The following TCL1B variants were observed in gnomAD, a reference collection of about 807,000 sequenced individuals.
TCL1B encodes TCL1 family AKT coactivator B, also known as T-cell leukemia/lymphoma protein 1B.
TCL1B carries 14 observed loss-of-function variants against 16.9 expected under a neutral mutation model. That is an observed-to-expected ratio of 0.83 (90% CI 0.55 to 1.30). TCL1B has a LOEUF of 1.30. Among genes scored for constraint, TCL1B ranks in the 50% most tolerant of loss-of-function variants. The pLI, the probability that TCL1B is intolerant of heterozygous loss-of-function variation, is 0.00. For missense variants in TCL1B, 166 were observed against 165.2 expected (o/e 1.00, Z -0.03); for synonymous variants, 79 against 66.6 (o/e 1.19, Z -0.91).
At position 95,692,002 on chromosome 14, in the gene TCL1B, C is replaced by T. The variant is rs150324148; in HGVS notation, c.*87C>T. The T allele has an allele frequency of 6.6e-6, 1 of 152,662 alleles. No homozygotes were observed. Among genetic ancestry groups the T allele is most frequent in the Non-Finnish European group, 1.5e-5 (1 of 68,284 alleles). 9.5% of individuals were successfully genotyped at this position (152,662 alleles called of 1,614,324 possible). On this transcript the variant is annotated 3_prime_UTR_variant, in exon 4 of 4. Coordinates refer to ENST00000340722, the MANE Select transcript of TCL1B (RefSeq NM_004918.4). ...CTCAGTGAGGATCTTCATGTACCTG[C>T]TCTTCTGTTTGCACACCCAGCATAG...
chr14:95,690,697 C>T (rs747580415), intron 1 of TCL1B, 39 bp from the exon 2 acceptor site: 2 of 1,587,252 alleles, frequency 1.3e-6, no homozygotes, highest in African/African-American at 2.7e-5. Context: ...GGCAGGGAAC[C>T]CTATCCATGA....
rs76108236 is a variant in TCL1B at position 95,688,910 on chromosome 14, G to A, written c.163-1826G>A. ...TGTTAGTAACAGGTACGGAGTCTCAGTTTGGGAAGATAAAAAGTTCTGGAG... is the reference window on the plus strand; with the variant it reads ...TGTTAGTAACAGGTACGGAGTCTCAATTTGGGAAGATAAAAAGTTCTGGAG... On this transcript the variant is annotated intron_variant, in intron 1 of 3. Transcript: ENST00000340722. 5.5e-3 allele frequency among the ~76,000 whole-genome samples: 845 copies of A among 152,338 alleles called. 9 individuals carry two copies. The highest frequency in any genetic ancestry group is 0.019 in the African/African-American group (799 of 41,572).
intron 1 of TCL1B, among the ~76,000 whole-genome samples, chr14:95,686,857 C>T (rs985750276): frequency 2.6e-5 from 4 of 152,188 alleles, no homozygotes; most frequent in African/African-American, 9.6e-5. Context: ...TGTGGTCCTG[C>T]GTGGTGAAGC....
chr14:95,686,594 C>A lies in TCL1B; in HGVS notation c.127C>A (p.Arg43Ser). ...VTVVVRFNPSRREWARASQGS... is the reference protein window; with the variant it reads ...VTVVVRFNPSSREWARASQGS... ...TGTGGTCGTGCGGTTCAATCCCTCGCGTAGGGAATGGGCCAGGGCCTCCCA... is the reference window on the plus strand; with the variant it reads ...TGTGGTCGTGCGGTTCAATCCCTCGAGTAGGGAATGGGCCAGGGCCTCCCA... The change falls in exon 1 of 4, where the codon CGT becomes AGT. Residue 43 changes from arginine (R) to serine (S), a missense_variant. Physicochemically the swap from Arg to Ser is moderately radical, Grantham distance 110 (BLOSUM62 -1). Transcript: ENST00000340722. 1 of 1,612,984 alleles carries A rather than the reference C, an allele frequency of 6.2e-7. No individual in the cohort carries two copies. Among genetic ancestry groups the A allele is most frequent in the South Asian group, 1.1e-5 (1 of 90,960 alleles).
Position 95,686,576 on chromosome 14 carries a change from G to A in TCL1B, c.109G>A (p.Val37Met), listed in dbSNP as rs755883681. ...EEGRTWVTVV[V>M]RFNPSRREWA... ...GGGGAGAACCTGGGTGACTGTGGTC[G>A]TGCGGTTCAATCCCTCGCGTAGGGA... Residue 37 changes from valine (V) to methionine (M), a missense_variant, in exon 1 of 4, where the codon GTG becomes ATG. By Grantham distance (21) the Val-to-Met change is conservative. Transcript: ENST00000340722. 7 of 1,613,758 alleles carry A rather than the reference G, an allele frequency of 4.3e-6. No homozygotes were observed. Among genetic ancestry groups the A allele is most frequent in the Non-Finnish European group, 5.1e-6 (6 of 1,179,890 alleles).
At chr14:95,690,713 C>T (rs368546634) in intron 1 of TCL1B, 23 bp from the exon 2 acceptor site, 289 of 1,592,184 alleles carry the variant, frequency 1.8e-4, no homozygotes, top group Non-Finnish European at 2.3e-4. Context: ...CATGATTTGC[C>T]GCCTCTTTTC....
At chr14:95,691,222 G>A (rs781202295) in intron 2 of TCL1B, 46 bp from the exon 3 acceptor site, 4 of 1,601,548 alleles carry the variant, frequency 2.5e-6, no homozygotes, top group Non-Finnish European at 3.4e-6. Context: ...AGGCCAACTG[G>A]AAGAGCATCT....
intron 1 of TCL1B, among the ~76,000 whole-genome samples, chr14:95,687,588 G>A (rs771408707): frequency 1.3e-5 from 2 of 152,118 alleles, no homozygotes; most frequent in African/African-American, 2.4e-5. Flanking sequence ...ATTCATGGGT[G>A]CAGTATCCAT....
chr14:95,690,714 G>A lies in TCL1B; in HGVS notation c.163-22G>A, dbSNP rs200686164. The A allele has an allele frequency of 1.4e-5, 22 of 1,592,582 alleles. No individual in the cohort carries two copies. The East Asian group carries it at 2.9e-4, about 21-fold the overall frequency. On this transcript the variant is annotated intron_variant, in intron 1 of 3. Transcript: ENST00000340722. ...CAGGGAACCCTATCCATGATTTGCC[G>A]CCTCTTTTCTGGTCCCTTCAGTATG... is the stretch of plus-strand genomic sequence containing the variant.
chr14:95,687,472 CTAA>C (rs59470580), intron 1 of TCL1B, among the ~76,000 whole-genome samples: 10,116 of 152,200 alleles, frequency 0.066, 368 homozygotes, highest in South Asian at 0.12. Flanking sequence ...AATCAGATTA[CTAA>C]TAACACCTAA....
chr14:95,690,707 A>T, intron 1 of TCL1B, 29 bp from the exon 2 acceptor site: 1 of 1,591,656 alleles, frequency 6.3e-7, no homozygotes. Flanking sequence ...CCTATCCATG[A>T]TTTGCCGCCT....
intron 2 of TCL1B, 106 bp from the exon 3 acceptor site, chr14:95,691,162 C>T (rs1885876930): frequency 1.5e-6 from 2 of 1,352,730 alleles, no homozygotes; most frequent in Non-Finnish European, 1.0e-6. Flanking sequence ...GAGTTCCCAC[C>T]TGCCTCACCC....
At chr14:95,688,997 A>T (rs935191819) in intron 1 of TCL1B, among the ~76,000 whole-genome samples, 1 of 152,200 alleles carries the variant, frequency 6.6e-6, no homozygotes, top group Non-Finnish European at 1.5e-5. Context: ...GTACTCTTAA[A>T]AACAGTTGGC....
In TCL1B at chr14:95,691,340, T is replaced by C. The variant is rs1325042331; in HGVS notation, c.*15+4T>C. The stretch of plus-strand genomic sequence containing the variant: ...AGACTGACACTGGGAGTGGCTGGTA[T>C]GTTGGGGCCCTGTGCGTCTCAGTGT... On this transcript the variant is annotated splice_donor_region_variant and intron_variant, in intron 3 of 3. Coordinates refer to ENST00000340722, the MANE Select transcript of TCL1B (RefSeq NM_004918.4). 2.5e-6 allele frequency: 4 copies of C among 1,612,852 alleles called. No individual in the cohort carries two copies. Among genetic ancestry groups the C allele is most frequent in the Middle Eastern group, 1.7e-4 (1 of 6,058 alleles).
rs771726123 is a variant in TCL1B at position 95,691,355 on chromosome 14, C to T, written c.*15+19C>T. ...GTGGCTGGTATGTTGGGGCCCTGTG[C>T]GTCTCAGTGTAGGGATCAGACGAAA... On this transcript the variant is annotated intron_variant, in intron 3 of 3. Coordinates refer to ENST00000340722, the MANE Select transcript of TCL1B (RefSeq NM_004918.4). The T allele has an allele frequency of 5.6e-6, 9 of 1,610,408 alleles. No homozygotes were observed. The highest frequency in any genetic ancestry group is 2.7e-5 in the African/African-American group (2 of 74,872).
intron 2 of TCL1B, 82 bp downstream of exon 2, chr14:95,690,988 C>G (rs1246095741): frequency 1.3e-6 from 2 of 1,517,250 alleles, no homozygotes; most frequent in Non-Finnish European, 1.8e-6. Context: ...TGCCCCTGGC[C>G]CCCTTGGGGT....
intron 1 of TCL1B, among the ~76,000 whole-genome samples, chr14:95,689,057 C>A (rs75468591): frequency 1.3e-5 from 2 of 152,116 alleles, no homozygotes; most frequent in Admixed American, 6.6e-5. Context: ...GGGGCCGAGG[C>A]GGGCGGATCA....
rs1178931610 is a variant in TCL1B, at chr14:95,690,903, C to G, written c.330C>G (p.Gly110=). 1 of 1,613,214 alleles carries G rather than the reference C, an allele frequency of 6.2e-7. No individual in the cohort carries two copies. Among genetic ancestry groups the G allele is most frequent in the Admixed American group, 1.7e-5 (1 of 60,002 alleles). The part of the protein sequence containing the change: ...DSSFWEIADH[G]QIDSMEQLVL... ...GTTTCTGGGAAATAGCAGACCATGGCCAGGCAAGTGTGTGGTGGTTCTAGG... is the reference window on the plus strand; with the variant it reads ...GTTTCTGGGAAATAGCAGACCATGGGCAGGCAAGTGTGTGGTGGTTCTAGG... The change falls in exon 2 of 4, where the codon GGC becomes GGG. Residue 110 remains glycine, a synonymous_variant. Transcript: ENST00000340722.
At chr14:95,691,701 G>C (rs1032876661) in intron 3 of TCL1B, 1 of 211,434 alleles carries the variant, frequency 4.7e-6, no homozygotes, top group African/African-American at 2.3e-5. Flanking sequence ...TAGTGATCTC[G>C]GGTCCCTAGA....
Sources: allele counts gnomAD v4.1 joint callset (sites outside exome capture counted in the v4.1 genomes callset), GRCh38; gene constraint gnomAD v4.1.1; transcripts MANE v1.5; gene names NCBI Gene and HGNC (gene_info 2026-07-23, HGNC 2026-07-21).